PCDHGA5: variants seen among roughly 807,000 people sequenced by gnomAD.
PCDHGA5 encodes protocadherin gamma subfamily A, 5, also known as protocadherin gamma-A5.
Under a neutral mutation model 56.7 loss-of-function variants are expected in PCDHGA5, and 36 were observed. That is an observed-to-expected ratio of 0.64 (90% CI 0.49 to 0.84). The LOEUF (loss-of-function observed/expected upper bound fraction) is 0.84. Among genes scored for constraint, PCDHGA5 ranks in the 40% least tolerant of loss-of-function variants. The probability of loss-of-function intolerance (pLI) is 0.00; values close to 1 mark genes in which losing one functional copy is unlikely to be tolerated. For missense variants in PCDHGA5, 1,305 were observed against 1,201.5 expected (o/e 1.09, Z -1.27); for synonymous variants, 563 against 520.2 (o/e 1.08, Z -1.12).
intron 1 of PCDHGA5, chr5:141,384,753 G>C (rs114533608): frequency 0.027 from 43,359 of 1,614,006 alleles, 841 homozygotes; most frequent in African/African-American, 0.094. Context: ...GACTCTTTGC[G>C]GTTGGGCTGT....
intron 1 of PCDHGA5, chr5:141,418,465 A>G (rs2096261082): frequency 6.2e-7 from 1 of 1,614,022 alleles, no homozygotes; most frequent in Non-Finnish European, 8.5e-7. Context: ...CTCTGGACCG[A>G]GAAACGCAGA....
intron 1 of PCDHGA5, chr5:141,394,908 G>A (rs763489153): frequency 3.1e-6 from 5 of 1,613,652 alleles, no homozygotes; most frequent in East Asian, 2.2e-5. Flanking sequence ...GGCAGTGGCT[G>A]CCATCTCCTG....
chr5:141,476,772 G>A lies in PCDHGA5; in HGVS notation c.2422-18035G>A. 1 of 1,613,650 alleles carries A rather than the reference G, an allele frequency of 6.2e-7. No homozygotes were observed. Among genetic ancestry groups the A allele is most frequent in the South Asian group, 1.1e-5 (1 of 91,086 alleles). ...CAGTTAGTGCTGACGGCGTTGGACG[G>A]AGGGACCCCAGCTCTCTCCGCCAGC... is the stretch of plus-strand genomic sequence containing the variant. On this transcript the variant is annotated intron_variant, in intron 1 of 3. Coordinates refer to ENST00000518069, the MANE Select transcript of PCDHGA5 (RefSeq NM_018918.3). The surrounding 1 kb of genome is among the most constrained non-coding windows in gnomAD (Gnocchi z 7.6).
intron 1 of PCDHGA5, chr5:141,374,252 CAGG>C: frequency 6.2e-7 from 1 of 1,613,982 alleles, no homozygotes; most frequent in South Asian, 1.1e-5. Context: ...ACTGGAGCCC[CAGG>C]AGTTGGCGGA....
chr5:141,477,890 C>A lies in PCDHGA5; in HGVS notation c.2422-16917C>A, dbSNP rs202114426. On this transcript the variant is annotated intron_variant, in intron 1 of 3. Transcript: ENST00000518069. This position sits in a 1 kb window ranked among gnomAD's most constrained non-coding sequence, Gnocchi z 4.9. ...TACCTCAGCTGGCCACCTAGTGTCA[C>A]GGGTGGTAGGCTGGGACGCGGATGC... is the stretch of plus-strand genomic sequence containing the variant. 3.1e-6 allele frequency: 5 copies of A among 1,614,204 alleles called. 1 individual carries two copies. In the Admixed American group the frequency reaches 8.3e-5, roughly 27 times the overall value.
rs372623504 is a variant in PCDHGA5, at chr5:141,365,325, A to T, written c.995A>T (p.Lys332Met). Residue 332 changes from lysine (K) to methionine (M), a missense_variant, in exon 1 of 4, where the codon AAG (lysine) becomes ATG (methionine). By Grantham distance (95) the Lys-to-Met change is moderately conservative. Coordinates refer to ENST00000518069, the MANE Select transcript of PCDHGA5 (RefSeq NM_018918.3). Reference protein sequence around the residue: ...QDGGALVASAKVVVTVQDVND... With the variant: ...QDGGALVASAMVVVTVQDVND... Reference sequence around the variant, plus strand: ...GGAGGCGCTCTTGTTGCCAGCGCTAAGGTGGTGGTCACAGTACAGGACGTG... The same window carrying T: ...GGAGGCGCTCTTGTTGCCAGCGCTATGGTGGTGGTCACAGTACAGGACGTG... 2.5e-6 allele frequency: 4 copies of T among 1,613,990 alleles called. No individual in the cohort carries two copies. Among genetic ancestry groups the T allele is most frequent in the Admixed American group, 1.7e-5 (1 of 60,024 alleles).
Position 141,383,130 on chromosome 5 carries a change from G to C in PCDHGA5, c.2421+16379G>C, listed in dbSNP as rs1328104143. On this transcript the variant is annotated intron_variant, in intron 1 of 3. Coordinates refer to ENST00000518069, the MANE Select transcript of PCDHGA5 (RefSeq NM_018918.3). ...GAGGTAGGACGCAGCTTTTCGCCCT[G>C]AACCAGCGCAGCGGCAGCTTGGTCA... 3.1e-6 allele frequency: 5 copies of C among 1,614,008 alleles called. No homozygotes were observed. In the African/African-American group the frequency reaches 5.3e-5, roughly 17 times the overall value.
chr5:141,478,799 CTT>C, intron 1 of PCDHGA5: 1 of 1,463,738 alleles, frequency 6.8e-7, no homozygotes, highest in Non-Finnish European at 9.0e-7. Flanking sequence ...CCTCAGCACT[CTT>C]TTGCTATCAC....
At position 141,422,108 on chromosome 5, in the gene PCDHGA5, A is replaced by G. The variant is rs766617894; in HGVS notation, c.2421+55357A>G. 4.4e-6 allele frequency: 7 copies of G among 1,606,984 alleles called. No homozygotes were observed. In the East Asian group the frequency reaches 1.6e-4, roughly 36 times the overall value. ...GAAAGCAAGGCTTCTGAAATATTCCAATTGGATTCACAAACTGGAGAAGTT... is the reference window on the plus strand; with the variant it reads ...GAAAGCAAGGCTTCTGAAATATTCCGATTGGATTCACAAACTGGAGAAGTT... On this transcript the variant is annotated intron_variant, in intron 1 of 3. Transcript: ENST00000518069.
rs540471918 is a variant in PCDHGA5 at position 141,433,283 on chromosome 5, T to C, written c.2422-61524T>C. ...ATCATAGCTCACTGCAGCCTCAAAC[T>C]CCTAGGCTCAAGCAATTATCCCACC... On this transcript the variant is annotated intron_variant, in intron 1 of 3. Coordinates refer to ENST00000518069, the MANE Select transcript of PCDHGA5 (RefSeq NM_018918.3). The C allele has an allele frequency of 4.2e-5, 50 of 1,183,074 alleles. No homozygotes were observed. In the Admixed American group the frequency reaches 7.9e-4, roughly 19 times the overall value. 73.3% of individuals were successfully genotyped at this position (1,183,074 alleles called of 1,614,324 possible).
intron 1 of PCDHGA5, chr5:141,422,878 C>T: frequency 6.2e-7 from 1 of 1,614,264 alleles, no homozygotes; most frequent in African/African-American, 1.3e-5. Flanking sequence ...GTCGCTGAGC[C>T]TGTTCGTGCT....
intron 1 of PCDHGA5, among the ~76,000 whole-genome samples, chr5:141,492,996 AG>A: frequency 6.6e-6 from 1 of 152,348 alleles, no homozygotes; most frequent in Admixed American, 6.5e-5. Flanking sequence ...GCAGATGGAA[AG>A]CTATAGGCTC....
intron 1 of PCDHGA5, chr5:141,393,518 A>C: frequency 6.2e-7 from 1 of 1,614,030 alleles, no homozygotes; most frequent in Non-Finnish European, 8.5e-7. Context: ...TGTTGGATAC[A>C]AATGACAATG....
At chr5:141,497,020 C>T (rs138768677) in intron 2 of PCDHGA5, among the ~76,000 whole-genome samples, 8 of 152,122 alleles carry the variant, frequency 5.3e-5, no homozygotes, top group African/African-American at 1.7e-4. Flanking sequence ...GAAACCCCAT[C>T]TCGATTAAAA....
intron 3 of PCDHGA5, among the ~76,000 whole-genome samples, chr5:141,509,092 G>T (rs943269087): frequency 1.3e-5 from 2 of 152,180 alleles, no homozygotes; most frequent in African/African-American, 4.8e-5. Context: ...TGAAATGGGG[G>T]CTGTAGAAAC....
At chr5:141,462,823 G>A (rs1420321501) in intron 1 of PCDHGA5, among the ~76,000 whole-genome samples, 1 of 152,170 alleles carries the variant, frequency 6.6e-6, no homozygotes, top group African/African-American at 2.4e-5. Flanking sequence ...TTGGACAGCA[G>A]ACATTGTAAA....
Position 141,510,866 on chromosome 5 carries a change from C to G in PCDHGA5, c.2570-81C>G. 1.9e-6 allele frequency: 3 copies of G among 1,607,908 alleles called. No homozygotes were observed. The East Asian group carries it at 6.7e-5, about 36-fold the overall frequency. ...AGGCCCAGGGTGCTGTATAGGCATT[C>G]ATTAACTGCTGGGGATATAAGACAG... On this transcript the variant is annotated intron_variant, in intron 3 of 3. Coordinates refer to ENST00000518069, the MANE Select transcript of PCDHGA5 (RefSeq NM_018918.3).
intron 3 of PCDHGA5, among the ~76,000 whole-genome samples, chr5:141,508,616 G>T (rs1007206932): frequency 6.6e-6 from 1 of 152,114 alleles, no homozygotes; most frequent in African/African-American, 2.4e-5. Flanking sequence ...ATAGGACGTG[G>T]GTGGGCCGAG....
rs537684458 is a variant in PCDHGA5, at chr5:141,431,679, T to G, written c.2422-63128T>G. The G allele has an allele frequency of 1.5e-5, 24 of 1,614,222 alleles. No individual in the cohort carries two copies. The highest frequency in any genetic ancestry group is 3.3e-5 in the Admixed American group (2 of 60,028). On this transcript the variant is annotated intron_variant, in intron 1 of 3. Coordinates refer to ENST00000518069, the MANE Select transcript of PCDHGA5 (RefSeq NM_018918.3). The surrounding 1 kb of genome is among the most constrained non-coding windows in gnomAD (Gnocchi z 4.8). ...GGGACAATATCAACAATAGGGGAGT[T>G]GGACCACGAGGAGTCAGGATTCTAC...
Sources: gnomAD v4.1 joint callset for allele counts (sites outside exome capture counted in the v4.1 genomes callset) on GRCh38, gnomAD v4.1.1 for gene constraint, Gnocchi (gnomAD v3.1) non-coding constraint, MANE v1.5 for transcripts, NCBI Gene and HGNC (gene_info 2026-07-23, HGNC 2026-07-21) for gene names.